WDR88: variants seen among roughly 807,000 people sequenced by gnomAD.
WDR88 encodes WD repeat domain 88.
In WDR88, 40 loss-of-function variants were observed where a neutral mutation model predicts 46.8. The ratio of observed to expected loss-of-function variants is 0.86; its 90% CI spans 0.66 to 1.11. The LOEUF is 1.11. Among genes scored for constraint, WDR88 ranks in the 50% most tolerant of loss-of-function variants. WDR88 has a pLI of 0.00. For missense variants in WDR88, 562 were observed against 602.4 expected (o/e 0.93, Z 0.70); for synonymous variants, 235 against 240.7 (o/e 0.98, Z 0.22).
chr19:33,150,336 C>T (rs1317890813), intron 5 of WDR88, among the ~76,000 whole-genome samples: 1 of 152,156 alleles, frequency 6.6e-6, no homozygotes, highest in African/African-American at 2.4e-5. Context: ...CCTGTAATCC[C>T]AGCTACTCGG....
At position 33,148,551 on chromosome 19, in the gene WDR88, C is replaced by T. The variant is rs894174552; in HGVS notation, c.541-221C>T. On this transcript the variant is annotated intron_variant, in intron 4 of 10. Coordinates refer to ENST00000355868, the MANE Select transcript of WDR88 (RefSeq NM_173479.4). ...AAACTCCTGGGCTCAGATGATCCTC[C>T]CGCCACAGCCTCATAAGTAGCTGGG... Among the ~76,000 whole-genome samples, 3 of 152,160 alleles carry T rather than the reference C, an allele frequency of 2.0e-5. No individual in the cohort carries two copies. The South Asian group carries it at 6.2e-4, about 32-fold the overall frequency.
chr19:33,175,299 T>G (rs1168146880), intron 10 of WDR88, 97 bp from the exon 11 acceptor site: 1 of 1,298,464 alleles, frequency 7.7e-7, no homozygotes, highest in East Asian at 2.3e-5. Context: ...ACCCTTGCCT[T>G]GCCCCAGCTC....
chr19:33,151,216 G>C lies in WDR88; in HGVS notation c.715G>C (p.Asp239His), dbSNP rs1226245973. Residue 239 changes from aspartate (D) to histidine (H), a missense_variant, in exon 6 of 11, where the codon GAC becomes CAC. Asp to His is a moderately conservative substitution (Grantham distance 81, BLOSUM62 -1). Coordinates refer to ENST00000355868, the MANE Select transcript of WDR88 (RefSeq NM_173479.4). ...AAGGTCCATCACGTCATGCTGCTTTGACCCCGACAGCCAGAGGGTGGCTTC... is the reference window on the plus strand; with the variant it reads ...AAGGTCCATCACGTCATGCTGCTTTCACCCCGACAGCCAGAGGGTGGCTTC... ...HTRSITSCCF[D>H]PDSQRVASVS... is the part of the protein sequence containing the mutation. 6.2e-7 allele frequency: 1 copy of C among 1,613,812 alleles called. No individual in the cohort carries two copies.
intron 6 of WDR88, among the ~76,000 whole-genome samples, chr19:33,152,839 A>G (rs747330507): frequency 1.3e-5 from 2 of 152,092 alleles, no homozygotes; most frequent in Admixed American, 6.6e-5. Flanking sequence ...TGACCTTGTC[A>G]TCCACCCACC....
intron 2 of WDR88, among the ~76,000 whole-genome samples, chr19:33,142,208 AGGG>A (rs1178000079): frequency 6.6e-6 from 1 of 151,886 alleles, no homozygotes; most frequent in African/African-American, 2.4e-5. Flanking sequence ...AGGAGCCAGC[AGGG>A]GGGGACGAAG....
chr19:33,168,449 C>G (rs532716735), intron 9 of WDR88, among the ~76,000 whole-genome samples: 1 of 152,188 alleles, frequency 6.6e-6, no homozygotes, highest in East Asian at 1.9e-4. Flanking sequence ...AATCAACACA[C>G]AAAAAAGCAG....
At chr19:33,153,306 C>T (rs1420402072) in intron 6 of WDR88, among the ~76,000 whole-genome samples, 1 of 149,946 alleles carries the variant, frequency 6.7e-6, no homozygotes, top group East Asian at 2.0e-4. Context: ...CTCAAGTGAT[C>T]CTCTCACTTT....
chr19:33,148,502 G>A (rs1973565148), intron 4 of WDR88, among the ~76,000 whole-genome samples: 1 of 152,108 alleles, frequency 6.6e-6, no homozygotes. Context: ...ACACAGTGGC[G>A]CCATCGTAGC....
chr19:33,157,771 C>A (rs1395422793), intron 7 of WDR88, among the ~76,000 whole-genome samples: 2 of 140,334 alleles, frequency 1.4e-5, no homozygotes, highest in African/African-American at 5.4e-5. Context: ...TTTAGTGGTC[C>A]AGCTCAGCCT....
intron 10 of WDR88, among the ~76,000 whole-genome samples, chr19:33,172,935 C>G (rs533297604): frequency 6.6e-6 from 1 of 151,428 alleles, no homozygotes; most frequent in Non-Finnish European, 1.5e-5. Flanking sequence ...ACTACAAATA[C>G]AAAAAAATTA....
chr19:33,156,473 T>G lies in WDR88; in HGVS notation c.928T>G (p.Cys310Gly). 1 of 1,613,944 alleles carries G rather than the reference T, an allele frequency of 6.2e-7. No homozygotes were observed. Among genetic ancestry groups the G allele is most frequent in the South Asian group, 1.1e-5 (1 of 91,076 alleles). The change falls in exon 7 of 11, where the codon TGT (cysteine) becomes GGT (glycine). Residue 310 changes from cysteine (C) to glycine (G), a missense_variant. Coordinates refer to ENST00000355868, the MANE Select transcript of WDR88 (RefSeq NM_173479.4). Reference sequence around the variant, plus strand: ...CGTCCACACAGGGGAGTTTCGAAACTGTGGAGCCTGTGTGACTCTGATGCA... The same window carrying G: ...CGTCCACACAGGGGAGTTTCGAAACGGTGGAGCCTGTGTGACTCTGATGCA... Reference protein sequence around the residue: ...WNVHTGEFRNCGACVTLMQGH... With the variant: ...WNVHTGEFRNGGACVTLMQGH...
intron 9 of WDR88, among the ~76,000 whole-genome samples, chr19:33,168,074 C>T (rs1016037913): frequency 4.0e-5 from 6 of 150,678 alleles, no homozygotes; most frequent in African/African-American, 1.2e-4. Flanking sequence ...GTCACCCAGG[C>T]TGGCGTGCAG....
rs530876000 is a variant in WDR88, at chr19:33,172,433, T to G, written c.1235T>G (p.Leu412Trp). ...IKYKKAVGLKLKQCERCDRPF... is the reference protein window; with the variant it reads ...IKYKKAVGLKWKQCERCDRPF... The stretch of plus-strand genomic sequence containing the variant: ...TACAAAAAGGCCGTGGGCTTAAAGT[T>G]GAAACAGGTTGGTATTGGGTAAAAT... The change falls in exon 10 of 11, where the codon TTG (leucine) becomes TGG (tryptophan). Residue 412 changes from leucine (L) to tryptophan (W), a missense_variant. Transcript: ENST00000355868. The G allele has an allele frequency of 6.2e-7, 1 of 1,613,858 alleles. No individual in the cohort carries two copies. The highest frequency in any genetic ancestry group is 1.7e-5 in the Admixed American group (1 of 59,972).
chr19:33,175,652 G>GGGCCCCTCCCAGGCTCA lies in WDR88; in HGVS notation c.*82_*98dup. 1 of 1,549,628 alleles carries GGGCCCCTCCCAGGCTCA rather than the reference G, an allele frequency of 6.5e-7. No individual in the cohort carries two copies. The highest frequency in any genetic ancestry group is 8.8e-7 in the Non-Finnish European group (1 of 1,136,696). ...CGGGGCTTTGCAGGGGCTTTCTCTT[G>GGGCCCCTCCCAGGCTCA]GGCCCCTCCCAGGCTCAGCAGGCCT... is the stretch of plus-strand genomic sequence containing the variant. On this transcript the variant is annotated 3_prime_UTR_variant, in exon 11 of 11. Coordinates refer to ENST00000355868, the MANE Select transcript of WDR88 (RefSeq NM_173479.4).
rs184052992 is a variant in WDR88, at chr19:33,151,606, C to T, written c.809+296C>T. Among the ~76,000 whole-genome samples, 7 of 152,224 alleles carry T rather than the reference C, an allele frequency of 4.6e-5. No individual in the cohort carries two copies. The East Asian group carries it at 9.7e-4, about 21-fold the overall frequency. On this transcript the variant is annotated intron_variant, in intron 6 of 10. Transcript: ENST00000355868. ...TGTAAAATGGGAAGGTCTGGCTGGG[C>T]GTGTGGCTCATGGCTATAATCCCAG...
chr19:33,151,126 C>A, intron 5 of WDR88, 55 bp from the exon 6 acceptor site: 1 of 1,580,160 alleles, frequency 6.3e-7, no homozygotes, highest in Non-Finnish European at 8.6e-7. Flanking sequence ...TGGGAGTCCT[C>A]CAGCCCAGCA....
intron 7 of WDR88, among the ~76,000 whole-genome samples, chr19:33,159,690 C>T (rs564876930): frequency 6.6e-5 from 10 of 152,246 alleles, no homozygotes; most frequent in African/African-American, 2.4e-4. Context: ...GCAAAAACTG[C>T]AGAGGCCCCC....
At chr19:33,172,138 C>A (rs1315080152) in intron 9 of WDR88, among the ~76,000 whole-genome samples, 1 of 152,132 alleles carries the variant, frequency 6.6e-6, no homozygotes, top group Non-Finnish European at 1.5e-5. Context: ...TATTTATATT[C>A]TTCAGTTTTG....
intron 7 of WDR88, 78 bp from the exon 8 acceptor site, chr19:33,160,330 TCGCCAA>T (rs1973844114): frequency 7.8e-6 from 11 of 1,403,932 alleles, no homozygotes; most frequent in Middle Eastern, 1.8e-4. Flanking sequence ...AGGTGGTGCC[TCGCCAA>T]GGCATCTTCA....
Sources: allele counts gnomAD v4.1 joint callset (sites outside exome capture counted in the v4.1 genomes callset), GRCh38; gene constraint gnomAD v4.1.1; transcripts MANE v1.5; gene names NCBI Gene and HGNC (gene_info 2026-07-23, HGNC 2026-07-21).